The following TMEM132C variants were observed in gnomAD, a reference collection of about 807,000 sequenced individuals.
The protein encoded by TMEM132C is protein phosphatase 1, regulatory subunit 152.
In TMEM132C, 29 loss-of-function variants were observed where a neutral mutation model predicts 61.4. The ratio of observed to expected loss-of-function variants is 0.47; its 90% CI spans 0.35 to 0.64. TMEM132C has a LOEUF of 0.64. Among genes scored for constraint, TMEM132C ranks in the 30% least tolerant of loss-of-function variants. TMEM132C has a pLI of 0.00. For synonymous variants in TMEM132C, 656 were observed against 633.1 expected, an observed-to-expected ratio of 1.04 and a Z score of -0.54; for missense variants, 1,408 against 1,476.9, an observed-to-expected ratio of 0.95 and a Z score of 0.76.
In TMEM132C at chr12:128,679,122, A is replaced by G. The variant is rs1399038141; in HGVS notation, c.1449+9562A>G. ...AAGGCAGGTGACACGCCTGGCACAT[A>G]TTAAGTGCTCAATAATTGTCAGGTA... On this transcript the variant is annotated intron_variant, in intron 5 of 8. Coordinates refer to ENST00000435159, the MANE Select transcript of TMEM132C (RefSeq NM_001136103.3). 2.0e-5 allele frequency among the ~76,000 whole-genome samples: 3 copies of G among 152,362 alleles called. No homozygotes were observed. The South Asian group carries it at 6.2e-4, about 32-fold the overall frequency.
chr12:128,489,853 G>A (rs571735355), intron 2 of TMEM132C, among the ~76,000 whole-genome samples: 4 of 152,110 alleles, frequency 2.6e-5, no homozygotes, highest in South Asian at 2.1e-4. Context: ...CAGGACAGTA[G>A]CTGGCATTTT....
chr12:128,400,683 A>G (rs1402184370), intron 1 of TMEM132C, among the ~76,000 whole-genome samples: 1 of 148,600 alleles, frequency 6.7e-6, no homozygotes, highest in African/African-American at 2.5e-5. Flanking sequence ...ATCTCGGCTC[A>G]TTGCACCCTC....
chr12:128,480,249 G>T (rs1300594388), intron 2 of TMEM132C, among the ~76,000 whole-genome samples: 1 of 152,108 alleles, frequency 6.6e-6, no homozygotes, highest in Non-Finnish European at 1.5e-5. Context: ...AACAAAGAAA[G>T]AAAAAATCTC....
rs145435297 is a variant in TMEM132C, at chr12:128,425,980, G to A, written c.974+10360G>A. The stretch of plus-strand genomic sequence containing the variant: ...GTTTGATGTGAATTTGGGGGTGGGT[G>A]AAAGGCAGCATTGACCCATGGCCGA... On this transcript the variant is annotated intron_variant, in intron 2 of 8. Transcript: ENST00000435159. Among the ~76,000 whole-genome samples the A allele has an allele frequency of 3.0e-3, 461 of 152,344 alleles. 2 individuals are homozygous for A. Among genetic ancestry groups the A allele is most frequent in the African/African-American group, 0.01 (433 of 41,572 alleles).
At chr12:128,622,352 AAAAAAAAAAT>A (rs1953970594) in intron 4 of TMEM132C, among the ~76,000 whole-genome samples, 1 of 64,636 alleles carries the variant, frequency 1.5e-5, no homozygotes, top group African/African-American at 7.4e-5. Flanking sequence ...TCAAAAAAAA[AAAAAAAAAAT>A]ATATATATAT....
chr12:128,505,017 G>A (rs534382986), intron 2 of TMEM132C, among the ~76,000 whole-genome samples: 13 of 152,212 alleles, frequency 8.5e-5, no homozygotes, highest in African/African-American at 3.1e-4. Flanking sequence ...ACGTAAATAT[G>A]AACAAATCAC....
Position 128,318,070 on chromosome 12 carries a change from G to A in TMEM132C, c.85+50583G>A, listed in dbSNP as rs190912394. On this transcript the variant is annotated intron_variant, in intron 1 of 8. Coordinates refer to ENST00000435159, the MANE Select transcript of TMEM132C (RefSeq NM_001136103.3). ...AGTGTTTATTGAGGACCTGTTGGAT[G>A]TCAGGCTGGGGCTCGGCTTTGAGGA... 2.0e-3 allele frequency among the ~76,000 whole-genome samples: 311 copies of A among 152,304 alleles called. 2 individuals are homozygous for A. The highest frequency in any genetic ancestry group is 7.1e-3 in the African/African-American group (295 of 41,554).
At chr12:128,693,277 G>T (rs952018625) in intron 5 of TMEM132C, among the ~76,000 whole-genome samples, 3 of 152,166 alleles carry the variant, frequency 2.0e-5, no homozygotes, top group Non-Finnish European at 2.9e-5. Flanking sequence ...TGGGTTGTGG[G>T]TGCAGCTTAC....
chr12:128,347,225 CTCCA>C (rs1414532488), intron 1 of TMEM132C, among the ~76,000 whole-genome samples: 1 of 152,168 alleles, frequency 6.6e-6, no homozygotes, highest in Non-Finnish European at 1.5e-5. Flanking sequence ...TGGACTCCAA[CTCCA>C]TCCAAGTTGC....
intron 2 of TMEM132C, among the ~76,000 whole-genome samples, chr12:128,504,968 T>TTTACTTACTACATTACGTAGTAAGTAAGA: frequency 6.6e-6 from 1 of 150,546 alleles, no homozygotes. Flanking sequence ...TTTTGGGGAC[T>TTTACTTACTACATTACGTAGTAAGTAAGA]TTACTTACTA....
chr12:128,620,180 C>T (rs534020404), intron 4 of TMEM132C, among the ~76,000 whole-genome samples: 1 of 141,948 alleles, frequency 7.0e-6, no homozygotes, highest in Non-Finnish European at 1.5e-5. Flanking sequence ...TGCAGTGAGC[C>T]GTGATGGTGC....
At chr12:128,282,947 A>G (rs572535707) in intron 1 of TMEM132C, among the ~76,000 whole-genome samples, 2 of 152,316 alleles carry the variant, frequency 1.3e-5, no homozygotes, top group East Asian at 3.9e-4. Flanking sequence ...CACAATATTA[A>G]TGATGTTCTC....
rs1157157379 is a variant in TMEM132C, at chr12:128,638,983, GTGGTGA to G, written c.1305+22660_1305+22665del. Among the ~76,000 whole-genome samples, 7 of 46,690 alleles carry G rather than the reference GTGGTGA, an allele frequency of 1.5e-4. 1 individual carries two copies. Among genetic ancestry groups the G allele is most frequent in the Admixed American group, 2.5e-4 (1 of 3,992 alleles). 30.6% of individuals were successfully genotyped at this position (46,690 alleles called of 152,430 possible). Reference sequence around the variant, plus strand: ...GGTGATGGTGGTGATGGTGATGATGGTGGTGATGGTGATGGTGGTGATGATGATGGT... The same window carrying G: ...GGTGATGGTGGTGATGGTGATGATGGTGGTGATGGTGGTGATGATGATGGT... On this transcript the variant is annotated intron_variant, in intron 4 of 8. Transcript: ENST00000435159.
At chr12:128,653,023 C>T (rs972127043) in intron 4 of TMEM132C, among the ~76,000 whole-genome samples, 2 of 152,132 alleles carry the variant, frequency 1.3e-5, no homozygotes, top group Non-Finnish European at 2.9e-5. Flanking sequence ...TGGGAACAAC[C>T]CAAATGTCCA....
At chr12:128,632,495 C>T (rs1954071750) in intron 4 of TMEM132C, among the ~76,000 whole-genome samples, 1 of 152,262 alleles carries the variant, frequency 6.6e-6, no homozygotes, top group Admixed American at 6.5e-5. Flanking sequence ...GATGCATACT[C>T]CAAATTTATT....
intron 2 of TMEM132C, among the ~76,000 whole-genome samples, chr12:128,482,699 G>A (rs1274087674): frequency 3.9e-5 from 6 of 152,106 alleles, no homozygotes; most frequent in East Asian, 1.9e-4. Context: ...GTTTAGTCTC[G>A]GGAGGGTGTA....
In TMEM132C at chr12:128,278,928, C is replaced by T. The variant is rs577139782; in HGVS notation, c.85+11441C>T. On this transcript the variant is annotated intron_variant, in intron 1 of 8. Coordinates refer to ENST00000435159, the MANE Select transcript of TMEM132C (RefSeq NM_001136103.3). The surrounding 1 kb of genome is among the most constrained non-coding windows in gnomAD (Gnocchi z 4.2). ...GAAGACAAGAAGGAATTCTGCCAGT[C>T]GACAGCATTTGGACGTGAACTGCAA... 3.3e-5 allele frequency among the ~76,000 whole-genome samples: 5 copies of T among 152,212 alleles called. No homozygotes were observed. In the South Asian group the frequency reaches 6.2e-4, roughly 19 times the overall value.
chr12:128,344,721 G>A (rs1873093715), intron 1 of TMEM132C, among the ~76,000 whole-genome samples: 1 of 152,086 alleles, frequency 6.6e-6, no homozygotes. Flanking sequence ...AATCACTAAT[G>A]ATGCTGAGCA....
At chr12:128,348,489 A>T (rs1439660190) in intron 1 of TMEM132C, among the ~76,000 whole-genome samples, 1 of 152,220 alleles carries the variant, frequency 6.6e-6, no homozygotes, top group Non-Finnish European at 1.5e-5. Flanking sequence ...GTGAGAGCAA[A>T]CATCTTTGTT....
Sources: allele counts gnomAD v4.1 joint callset (sites outside exome capture counted in the v4.1 genomes callset), GRCh38; gene constraint gnomAD v4.1.1; non-coding constraint Gnocchi (gnomAD v3.1); transcripts MANE v1.5; gene names NCBI Gene and HGNC (gene_info 2026-07-23, HGNC 2026-07-21).